MAP3K20: variants seen among roughly 807,000 people sequenced by gnomAD.
The protein encoded by MAP3K20 is HCCS-4.
Under a neutral mutation model 85.7 loss-of-function variants are expected in MAP3K20, and 40 were observed. The observed-to-expected ratio is 0.47, with a 90% CI of 0.36 to 0.61. The LOEUF is 0.61. Ranked by LOEUF, MAP3K20 falls within the 20% of genes least tolerant of loss-of-function variation. The pLI is 0.00. For missense variants in MAP3K20, 817 were observed against 961.7 expected, an observed-to-expected ratio of 0.85 and a Z score of 1.99; for synonymous variants, 325 against 327.7, an observed-to-expected ratio of 0.99 and a Z score of 0.09.
intron 14 of MAP3K20, 29 bp from the exon 15 acceptor site, chr2:173,238,344 T>C (rs1359902610): frequency 1.3e-6 from 2 of 1,574,778 alleles, no homozygotes; most frequent in Non-Finnish European, 1.7e-6. Flanking sequence ...TACTGGATCA[T>C]TAATAAAGTC....
intron 2 of MAP3K20, among the ~76,000 whole-genome samples, chr2:173,095,410 T>C (rs1294040282): frequency 6.6e-6 from 1 of 152,192 alleles, no homozygotes; most frequent in Non-Finnish European, 1.5e-5. Context: ...CTTTAGACTT[T>C]TTTAAAAAGA....
chr2:173,116,000 G>GA (rs1293395053), intron 2 of MAP3K20, among the ~76,000 whole-genome samples: 3 of 142,906 alleles, frequency 2.1e-5, no homozygotes, highest in African/African-American at 7.5e-5. Flanking sequence ...GGCAGAGCAG[G>GA]AAAGAGTCTA....
At chr2:173,101,120 C>T (rs1687626161) in intron 2 of MAP3K20, among the ~76,000 whole-genome samples, 1 of 152,142 alleles carries the variant, frequency 6.6e-6, no homozygotes, top group African/African-American at 2.4e-5. Context: ...AAAGGCTTCT[C>T]CTAGGACCTA....
chr2:173,128,312 CTTAT>C (rs59187122), intron 2 of MAP3K20, among the ~76,000 whole-genome samples: 2,858 of 145,896 alleles, frequency 0.02, 90 homozygotes, highest in African/African-American at 0.066. Flanking sequence ...TTATAGTTGA[CTTAT>C]TTATTTATTT....
At chr2:173,227,301 G>A (rs1412982533) in intron 11 of MAP3K20, among the ~76,000 whole-genome samples, 1 of 152,092 alleles carries the variant, frequency 6.6e-6, no homozygotes, top group East Asian at 1.9e-4. Flanking sequence ...TAAAGTGATG[G>A]GACAGTCATG....
At chr2:173,222,205 CA>C (rs1444215381) in intron 11 of MAP3K20, 13 of 953,548 alleles carry the variant, frequency 1.4e-5, no homozygotes, top group Non-Finnish European at 1.6e-5. Context: ...GATCCTGTCT[CA>C]AAAAACAAAA....
intron 2 of MAP3K20, among the ~76,000 whole-genome samples, chr2:173,157,599 C>T (rs1689516269): frequency 2.0e-5 from 3 of 152,214 alleles, no homozygotes; most frequent in Admixed American, 2.0e-4. Flanking sequence ...TGTAAATAAT[C>T]AAACTCTGTT....
At chr2:173,255,078 A>T (rs1298710380) in intron 16 of MAP3K20, among the ~76,000 whole-genome samples, 1 of 152,196 alleles carries the variant, frequency 6.6e-6, no homozygotes, top group Non-Finnish European at 1.5e-5. Context: ...TTTATGGTTC[A>T]GGTAAAAGCC....
chr2:173,133,790 C>T (rs1688683286), intron 2 of MAP3K20, among the ~76,000 whole-genome samples: 1 of 151,434 alleles, frequency 6.6e-6, no homozygotes. Context: ...TGAGACCATC[C>T]TGGCTAACAT....
At chr2:173,192,434 A>G (rs1574094018) in intron 7 of MAP3K20, among the ~76,000 whole-genome samples, 3 of 152,222 alleles carry the variant, frequency 2.0e-5, no homozygotes, top group African/African-American at 7.2e-5. Context: ...TTCAAGAATG[A>G]AATATGTTTT....
chr2:173,250,858 C>T lies in MAP3K20; in HGVS notation c.1360-7841C>T, dbSNP rs190807783. Among the ~76,000 whole-genome samples, 486 of 152,152 alleles carry T rather than the reference C, an allele frequency of 3.2e-3. 1 individual carries two copies. The highest frequency in any genetic ancestry group is 0.01 in the African/African-American group (428 of 41,524). ...CTCATGGGACAAAGCCATGGTGGGT[C>T]ATGACACTGTATAGATAAAGAAGAG... On this transcript the variant is annotated intron_variant, in intron 16 of 19. Coordinates refer to ENST00000375213, the MANE Select transcript of MAP3K20 (RefSeq NM_016653.3).
intron 11 of MAP3K20, chr2:173,223,963 G>C: frequency 1.0e-6 from 1 of 985,436 alleles, no homozygotes; most frequent in East Asian, 1.1e-4. Flanking sequence ...ACAAGGCAAA[G>C]ATAGTCATTC....
intron 2 of MAP3K20, among the ~76,000 whole-genome samples, chr2:173,099,272 TCTTC>T (rs148494279): frequency 0.16 from 23,793 of 147,006 alleles, 2,098 homozygotes; most frequent in South Asian, 0.34. Context: ...CTTTTTTTTT[TCTTC>T]CTTCCTTCCT....
At chr2:173,109,798 G>C (rs1471462203) in intron 2 of MAP3K20, among the ~76,000 whole-genome samples, 2 of 152,084 alleles carry the variant, frequency 1.3e-5, no homozygotes, top group Admixed American at 1.3e-4. Flanking sequence ...CACTTTTCTT[G>C]TTGAGCCCGT....
rs559531767 is a variant in MAP3K20 at position 173,122,724 on chromosome 2, C to T, written c.159+31534C>T. Among the ~76,000 whole-genome samples the T allele has an allele frequency of 1.4e-4, 21 of 152,196 alleles. No individual in the cohort carries two copies. The East Asian group carries it at 2.5e-3, about 18-fold the overall frequency. On this transcript the variant is annotated intron_variant, in intron 2 of 19. Transcript: ENST00000375213. ...AGTAAACTGCATACTGATTTCATTC[C>T]TAGGGACTGCAGGATAAATTAGCTA...
At position 173,227,697 on chromosome 2, in the gene MAP3K20, C is replaced by CA. The variant is rs572649325; in HGVS notation, c.988-1985dup. ...TTTCATTTACAACTTCTATTCTATT[C>CA]AAAAAAATACTTCTTTCTCAATTTT... On this transcript the variant is annotated intron_variant, in intron 11 of 19. Transcript: ENST00000375213. Among the ~76,000 whole-genome samples, 195 of 152,102 alleles carry CA rather than the reference C, an allele frequency of 1.3e-3. 1 individual carries two copies. Among genetic ancestry groups the CA allele is most frequent in the Admixed American group, 3.6e-3 (55 of 15,296 alleles).
At chr2:173,206,603 G>A (rs1041946469) in intron 9 of MAP3K20, among the ~76,000 whole-genome samples, 27 of 150,542 alleles carry the variant, frequency 1.8e-4, no homozygotes, top group African/African-American at 6.1e-4. Context: ...GTCTTCCTTG[G>A]TTATTCTATT....
intron 2 of MAP3K20, among the ~76,000 whole-genome samples, chr2:173,139,580 A>G (rs1290606726): frequency 3.3e-5 from 5 of 152,184 alleles, no homozygotes; most frequent in African/African-American, 1.2e-4. Context: ...TTAGGTGCCT[A>G]CTTTCCCCCT....
At position 173,149,615 on chromosome 2, in the gene MAP3K20, G is replaced by T. The variant is rs185787859; in HGVS notation, c.160-20190G>T. ...CTGAGAACCTTGCTCAATAGCACAGGGGGGAGGTGGTAAAAGACCAGGACC... is the reference window on the plus strand; with the variant it reads ...CTGAGAACCTTGCTCAATAGCACAGTGGGGAGGTGGTAAAAGACCAGGACC... On this transcript the variant is annotated intron_variant, in intron 2 of 19. Coordinates refer to ENST00000375213, the MANE Select transcript of MAP3K20 (RefSeq NM_016653.3). 5.9e-5 allele frequency among the ~76,000 whole-genome samples: 9 copies of T among 152,156 alleles called. No homozygotes were observed. In the East Asian group the frequency reaches 9.7e-4, roughly 16 times the overall value.
Sources: allele counts gnomAD v4.1 joint callset (sites outside exome capture counted in the v4.1 genomes callset), GRCh38; gene constraint gnomAD v4.1.1; transcripts MANE v1.5; gene names NCBI Gene and HGNC (gene_info 2026-07-23, HGNC 2026-07-21).